The following RBM26 variants were observed in gnomAD, a reference collection of about 807,000 sequenced individuals.
RBM26 encodes RNA binding motif protein 26.
A neutral mutation model predicts 123.6 loss-of-function variants in RBM26; 30 were observed. The ratio of observed to expected loss-of-function variants is 0.24; its 90% CI spans 0.18 to 0.33. RBM26 has a LOEUF of 0.33. Among genes scored for constraint, RBM26 ranks in the 10% least tolerant of loss-of-function variants. The pLI is 1.00. For synonymous variants in RBM26, 400 were observed against 404.4 expected (o/e 0.99, Z 0.13); for missense variants, 947 against 1,203.6 (o/e 0.79, Z 3.15).
At chr13:79,354,327 G>T in intron 13 of RBM26, 112 bp downstream of exon 13, 3 of 860,284 alleles carry the variant, frequency 3.5e-6, no homozygotes, top group Non-Finnish European at 4.8e-6. Flanking sequence ...AATATGTAAA[G>T]ACTATCATAT....
intron 20 of RBM26, among the ~76,000 whole-genome samples, chr13:79,330,539 C>CA (rs1479950845): frequency 6.6e-6 from 1 of 152,078 alleles, no homozygotes; most frequent in Non-Finnish European, 1.5e-5. Context: ...TTTGCAAAAA[C>CA]TACAGAGAAA....
In RBM26 at chr13:79,391,988, AATACATTATTATATAATTATATATT is replaced by A. The variant is rs1473542298; in HGVS notation, c.72-13106_72-13082del. Among the ~76,000 whole-genome samples, 1,024 of 112,690 alleles carry A rather than the reference AATACATTATTATATAATTATATATT, an allele frequency of 9.1e-3. 97 individuals carry two copies. The highest frequency in any genetic ancestry group is 0.037 in the African/African-American group (894 of 24,166). The allele number at this position is 112,690 out of a possible 152,430, so 73.9% of individuals were successfully genotyped here. ...ATTATTATATAATTATATATTATGC[AATACATTATTATATAATTATATATT>A]ATACATTATTATATAATTATATATT... On this transcript the variant is annotated intron_variant, in intron 1 of 21. Coordinates refer to ENST00000438737, the MANE Select transcript of RBM26 (RefSeq NM_001366735.2).
At chr13:79,399,432 A>T (rs990323132) in intron 1 of RBM26, among the ~76,000 whole-genome samples, 6 of 152,236 alleles carry the variant, frequency 3.9e-5, no homozygotes, top group African/African-American at 1.4e-4. Context: ...AAGAAACAGT[A>T]AAGTTTCAGA....
chr13:79,364,952 G>A (rs1006581189), intron 9 of RBM26, among the ~76,000 whole-genome samples: 34 of 151,582 alleles, frequency 2.2e-4, no homozygotes, highest in African/African-American at 8.0e-4. Context: ...GAATTAAAGC[G>A]TTACTCTCAA....
At position 79,354,532 on chromosome 13, in the gene RBM26, A is replaced by T; in HGVS notation, c.1893T>A (p.Val631=). The T allele has an allele frequency of 6.2e-7, 1 of 1,607,806 alleles. No homozygotes were observed. Among genetic ancestry groups the T allele is most frequent in the Non-Finnish European group, 8.5e-7 (1 of 1,175,748 alleles). Residue 631 remains valine (V), a synonymous_variant, in exon 13 of 22, where the codon GTT becomes GTA. Transcript: ENST00000438737. ...GCCGCTCTTTGACTGACTGCTTCAC[A>T]ACAGGCAAAATGGGCTGCTGGACTA... ...QPLVQQPILP[V]VKQSVKERLG... is the part of the protein sequence containing the mutation.
At chr13:79,358,655 A>G (rs558174724) in intron 10 of RBM26, among the ~76,000 whole-genome samples, 1 of 152,182 alleles carries the variant, frequency 6.6e-6, no homozygotes, top group Non-Finnish European at 1.5e-5. Context: ...GGGTTCTGCC[A>G]TATCATTTGT....
At chr13:79,377,605 C>T (rs1297519879) in intron 2 of RBM26, 90 bp from the exon 3 acceptor site, 16 of 1,015,728 alleles carry the variant, frequency 1.6e-5, no homozygotes, top group East Asian at 1.5e-4. Flanking sequence ...TATGATGAAA[C>T]ATACCTTGAC....
At chr13:79,359,497 C>G (rs2074410734) in intron 10 of RBM26, 78 bp downstream of exon 10, 1 of 692,948 alleles carries the variant, frequency 1.4e-6, no homozygotes, top group African/African-American at 1.9e-5. Flanking sequence ...GAAACCAAAC[C>G]ATATTGTCAT....
At chr13:79,347,815 AT>A (rs2072585509) in intron 14 of RBM26, among the ~76,000 whole-genome samples, 3 of 151,908 alleles carry the variant, frequency 2.0e-5, no homozygotes, top group African/African-American at 4.8e-5. Context: ...ACTAAAAAAA[AT>A]AAAAGTGATG....
At chr13:79,369,404 C>G (rs574306986) in intron 5 of RBM26, among the ~76,000 whole-genome samples, 1 of 151,996 alleles carries the variant, frequency 6.6e-6, no homozygotes, top group Non-Finnish European at 1.5e-5. Flanking sequence ...AAGATAAGAA[C>G]GGATGACCCA....
chr13:79,364,067 G>A (rs896871709), intron 9 of RBM26, among the ~76,000 whole-genome samples: 1 of 152,142 alleles, frequency 6.6e-6, no homozygotes, highest in South Asian at 2.1e-4. Context: ...AAAATCTTAA[G>A]TGGCCACTTT....
rs372448840 is a variant in RBM26, at chr13:79,356,774, CA to C, written c.1690-1391del. Among the ~76,000 whole-genome samples the C allele has an allele frequency of 8.2e-4, 124 of 152,046 alleles. 1 individual carries two copies. The South Asian group carries it at 0.013, about 16-fold the overall frequency. On this transcript the variant is annotated intron_variant, in intron 11 of 21. Transcript: ENST00000438737. The stretch of plus-strand genomic sequence containing the variant: ...TAATACAGGTAGTACACAGACATGG[CA>C]AAAGAACCAATCAACAGAAGATTTC...
chr13:79,348,233 T>G (rs1380356748), intron 14 of RBM26, among the ~76,000 whole-genome samples: 1 of 152,128 alleles, frequency 6.6e-6, no homozygotes, highest in Non-Finnish European at 1.5e-5. Context: ...TCTTATAGTA[T>G]ATTGTCAGGT....
exon 5 of RBM26, chr13:79,312,546 T>C (rs569036696): frequency 2.0e-5 from 3 of 152,140 alleles, no homozygotes; most frequent in African/African-American, 2.4e-5. Context: ...ACATGGGAAT[T>C]TAAAGCAAAG....
rs980720184 is a variant in RBM26, at chr13:79,355,166, A to G, written c.1854+54T>C. On this transcript the variant is annotated intron_variant, in intron 12 of 21. Coordinates refer to ENST00000438737, the MANE Select transcript of RBM26 (RefSeq NM_001366735.2). ...TCCAATGCCTCTACTCGTAAACGCT[A>G]TGCTAAGAGCTTTCTAAGAAATGCG... 3.9e-6 allele frequency: 6 copies of G among 1,537,940 alleles called. No individual in the cohort carries two copies. In the African/African-American group the frequency reaches 6.8e-5, roughly 18 times the overall value.
At chr13:79,329,303 ATT>A (rs1319464626) in intron 20 of RBM26, among the ~76,000 whole-genome samples, 1 of 151,870 alleles carries the variant, frequency 6.6e-6, no homozygotes. Context: ...TGAGCTCTAA[ATT>A]TCTTTATACA....
rs1043395512 is a variant in RBM26, at chr13:79,366,774, G to A, written c.994C>T (p.Pro332Ser). The A allele has an allele frequency of 1.2e-6, 2 of 1,613,862 alleles. No homozygotes were observed. The highest frequency in any genetic ancestry group is 2.2e-5 in the East Asian group (1 of 44,862). The change falls in exon 7 of 22, where the codon CCA (proline) becomes TCA (serine). Residue 332 changes from proline to serine, a missense_variant. Around this residue, in one of 5 missense-constraint regions of RBM26, gnomAD observed 493 missense variants for 563.1 expected, o/e 0.88. Transcript: ENST00000438737. Reference protein sequence around the residue: ...DVNLPGMLPFPAQPPVVEGPP... With the variant: ...DVNLPGMLPFSAQPPVVEGPP... ...CCTTCAACAACAGGAGGCTGTGCTGGGAAAGGCAGCATACCAGGAAGATTC... is the reference window on the plus strand; with the variant it reads ...CCTTCAACAACAGGAGGCTGTGCTGAGAAAGGCAGCATACCAGGAAGATTC...
downstream of RBM26, chr13:79,314,850 A>G (rs566357084): frequency 1.9e-6 from 1 of 524,480 alleles, no homozygotes; most frequent in African/African-American, 2.0e-5. Context: ...TGCTAATTAT[A>G]GTACATGTAA....
At chr13:79,334,260 TA>T (rs1447116715) in intron 20 of RBM26, 83 bp downstream of exon 20, 23 of 756,618 alleles carry the variant, frequency 3.0e-5, no homozygotes, top group African/African-American at 1.7e-4. Flanking sequence ...TTTAGTAAGT[TA>T]AAAAATTCAT....
Sources: allele counts gnomAD v4.1 joint callset (sites outside exome capture counted in the v4.1 genomes callset), GRCh38; gene constraint gnomAD v4.1.1; regional missense constraint gnomAD v4.1.1; transcripts MANE v1.5; gene names NCBI Gene and HGNC (gene_info 2026-07-23, HGNC 2026-07-21).